HSF2BP: variants seen among roughly 807,000 people sequenced by gnomAD.
The protein encoded by HSF2BP is heat shock factor 2-binding protein.
A neutral mutation model predicts 35.0 loss-of-function variants in HSF2BP; 35 were observed. That is an observed-to-expected ratio of 1.00 (90% CI 0.76 to 1.32). The LOEUF (loss-of-function observed/expected upper bound fraction) is 1.32, where lower values mean the gene tolerates loss of function less well. Among genes scored for constraint, HSF2BP ranks in the 40% most tolerant of loss-of-function variants. HSF2BP has a pLI of 0.00. For missense variants in HSF2BP, 326 were observed against 321.7 expected, an observed-to-expected ratio of 1.01 and a Z score of -0.10; for synonymous variants, 114 against 117.4, an observed-to-expected ratio of 0.97 and a Z score of 0.18.
At chr21:43,607,464 A>G (rs2082149408) in intron 7 of HSF2BP, among the ~76,000 whole-genome samples, 1 of 152,186 alleles carries the variant, frequency 6.6e-6, no homozygotes, top group Admixed American at 6.5e-5. Context: ...CACAACTGGA[A>G]AAACATTCAT....
At chr21:43,653,543 C>T (rs17004596) in intron 3 of HSF2BP, among the ~76,000 whole-genome samples, 6,243 of 152,246 alleles carry the variant, frequency 0.041, 440 homozygotes, top group African/African-American at 0.14. Context: ...GACTCTGAGC[C>T]GGGGCTGTGC....
chr21:43,642,734 T>C (rs898778181), intron 4 of HSF2BP, among the ~76,000 whole-genome samples: 3 of 152,094 alleles, frequency 2.0e-5, no homozygotes, highest in African/African-American at 7.2e-5. Flanking sequence ...GCGATTTCAA[T>C]GCTACTTTAC....
chr21:43,614,586 T>C (rs1457994075), intron 6 of HSF2BP, among the ~76,000 whole-genome samples: 5 of 152,148 alleles, frequency 3.3e-5, no homozygotes, highest in Non-Finnish European at 7.3e-5. Context: ...GGGGGCTGAT[T>C]ATCTTATCTG....
chr21:43,445,435 C>G, the HSF2BP span, among the ~76,000 whole-genome samples: 1 of 108,684 alleles, frequency 9.2e-6, no homozygotes, highest in African/African-American at 3.2e-5. Context: ...CAGGAAGGGC[C>G]GTGTCCTGGG....
At chr21:43,636,210 AAAGAAAAGAAAAG>A (rs2082553278) in intron 4 of HSF2BP, among the ~76,000 whole-genome samples, 1 of 11,094 alleles carries the variant, frequency 9.0e-5, no homozygotes, top group Non-Finnish European at 1.4e-4. Context: ...AAAAGAAAGA[AAAGAAAAGAAAAG>A]AAAAGAAAAG....
chr21:43,592,898 C>A (rs1354154741), intron 7 of HSF2BP, among the ~76,000 whole-genome samples: 3 of 152,124 alleles, frequency 2.0e-5, no homozygotes, highest in African/African-American at 7.2e-5. Context: ...CCGTGGCTGG[C>A]AATGCAGAGT....
At chr21:43,655,901 C>T (rs2082861346) in intron 3 of HSF2BP, among the ~76,000 whole-genome samples, 1 of 152,226 alleles carries the variant, frequency 6.6e-6, no homozygotes, top group Admixed American at 6.5e-5. Flanking sequence ...TGGACAAGTG[C>T]TACAGCTACC....
chr21:43,587,433 A>T (rs939016151), intron 8 of HSF2BP, among the ~76,000 whole-genome samples: 3 of 152,030 alleles, frequency 2.0e-5, no homozygotes, highest in Non-Finnish European at 4.4e-5. Context: ...TGGGAGGCTG[A>T]GGCGGGCAGA....
chr21:43,651,577 T>G (rs754030970), intron 3 of HSF2BP, among the ~76,000 whole-genome samples: 10 of 152,158 alleles, frequency 6.6e-5, no homozygotes, highest in Non-Finnish European at 1.5e-4. Flanking sequence ...GATGGTTATT[T>G]CCATGTGGTA....
chr21:43,656,768 C>T (rs2082875539), intron 2 of HSF2BP, 31 bp from the exon 3 acceptor site: 1 of 1,586,280 alleles, frequency 6.3e-7, no homozygotes, highest in African/African-American at 1.4e-5. Flanking sequence ...TATTATATTT[C>T]TCTTCACATG....
chr21:43,610,444 A>G (rs1291874961), intron 7 of HSF2BP, among the ~76,000 whole-genome samples: 1 of 151,146 alleles, frequency 6.6e-6, no homozygotes, highest in East Asian at 1.9e-4. Flanking sequence ...CCAAAAAAAA[A>G]AAAAAAATTA....
At chr21:43,621,546 A>G (rs1026240798) in intron 6 of HSF2BP, among the ~76,000 whole-genome samples, 5 of 152,272 alleles carry the variant, frequency 3.3e-5, no homozygotes, top group Middle Eastern at 3.4e-3. Flanking sequence ...AAAAAGAAGA[A>G]GAAGAAACCA....
In HSF2BP at chr21:43,657,291, T is replaced by C. The variant is rs146281001; in HGVS notation, c.37-554A>G. Among the ~76,000 whole-genome samples the C allele has an allele frequency of 1.2e-3, 186 of 152,294 alleles. 1 individual carries two copies. Among genetic ancestry groups the C allele is most frequent in the African/African-American group, 4.3e-3 (178 of 41,554 alleles). ...GGGAAGAAGGCTTGAGCTCAGGAGT[T>C]GGAGGCTGCAGTGAGCTATGATCGT... On this transcript the variant is annotated intron_variant, in intron 2 of 8. Transcript: ENST00000291560.
At chr21:43,579,448 G>A (rs567572443) in intron 8 of HSF2BP, among the ~76,000 whole-genome samples, 38 of 152,256 alleles carry the variant, frequency 2.5e-4, no homozygotes, top group African/African-American at 7.7e-4. Context: ...TGCAGGGGAC[G>A]GTGAACTCCT....
At chr21:43,639,274 C>A (rs1285527345) in intron 4 of HSF2BP, among the ~76,000 whole-genome samples, 1 of 152,072 alleles carries the variant, frequency 6.6e-6, no homozygotes, top group Non-Finnish European at 1.5e-5. Flanking sequence ...AACAAGAAAA[C>A]AGTCTATAAA....
intron 6 of HSF2BP, 71 bp from the exon 7 acceptor site, chr21:43,614,018 G>A (rs1385657474): frequency 9.2e-7 from 1 of 1,088,626 alleles, no homozygotes; most frequent in African/African-American, 1.6e-5. Context: ...GTGCAGAACA[G>A]AGTATTTTCT....
intron 7 of HSF2BP, among the ~76,000 whole-genome samples, chr21:43,594,067 TA>T (rs1489466442): frequency 6.6e-6 from 1 of 151,678 alleles, no homozygotes; most frequent in Non-Finnish European, 1.5e-5. Context: ...TATAAAAGAG[TA>T]ATTACACCAA....
intron 7 of HSF2BP, among the ~76,000 whole-genome samples, chr21:43,611,165 A>C (rs1248639825): frequency 1.3e-5 from 2 of 152,072 alleles, no homozygotes; most frequent in Non-Finnish European, 2.9e-5. Context: ...AGGATAACTT[A>C]AGCCTAAGAG....
intron 7 of HSF2BP, among the ~76,000 whole-genome samples, chr21:43,601,146 T>A (rs1480024947): frequency 1.3e-5 from 2 of 152,228 alleles, no homozygotes; most frequent in Admixed American, 1.3e-4. Context: ...GAAAACGTTC[T>A]CTGGAGTACA....
Sources: gnomAD v4.1 joint callset for allele counts (sites outside exome capture counted in the v4.1 genomes callset) on GRCh38, gnomAD v4.1.1 for gene constraint, MANE v1.5 for transcripts, NCBI Gene and HGNC (gene_info 2026-07-23, HGNC 2026-07-21) for gene names.